MYO9B: variants seen among roughly 807,000 people sequenced by gnomAD.
MYO9B encodes the protein unconventional myosin-IXb.
A neutral mutation model predicts 229.5 loss-of-function variants in MYO9B; 71 were observed. The ratio of observed to expected loss-of-function variants is 0.31; its 90% CI spans 0.26 to 0.38. The LOEUF (loss-of-function observed/expected upper bound fraction) is 0.38, where lower values mean the gene tolerates loss of function less well. Ranked by LOEUF, MYO9B falls within the 10% of genes least tolerant of loss-of-function variation. The pLI is 1.00. For missense variants in MYO9B, 2,255 were observed against 2,920.5 expected (o/e 0.77, Z 5.25); for synonymous variants, 1,185 against 1,235.8 (o/e 0.96, Z 0.86).
At chr19:17,085,661 TAA>T (rs71180356) in intron 1 of MYO9B, among the ~76,000 whole-genome samples, 17,968 of 142,226 alleles carry the variant, frequency 0.13, 1,208 homozygotes, top group Non-Finnish European at 0.14. Flanking sequence ...CCGTCTTTAA[TAA>T]AAAAAAAAAA....
In MYO9B at chr19:17,198,240, G is replaced by T. The variant is rs773317271; in HGVS notation, c.4170G>T (p.Lys1390Asn). The T allele has an allele frequency of 1.2e-6, 2 of 1,613,950 alleles. No homozygotes were observed. The highest frequency in any genetic ancestry group is 1.7e-5 in the Admixed American group (1 of 60,000). The part of the protein sequence containing the change: ...ERSAKKPAVQ[K>N]KKPGDASSLP... Reference sequence around the variant, plus strand: ...GTGCGAAAAAGCCAGCTGTCCAGAAGAAGAAGCCAGGCGACGCATCCTCCC... The same window carrying T: ...GTGCGAAAAAGCCAGCTGTCCAGAATAAGAAGCCAGGCGACGCATCCTCCC... The change falls in exon 24 of 40, where the codon AAG becomes AAT. Residue 1390 changes from lysine (K) to asparagine (N), a missense_variant. Coordinates refer to ENST00000682292, the MANE Select transcript of MYO9B (RefSeq NM_004145.4).
chr19:17,105,312 T>C (rs1307833458), intron 2 of MYO9B, among the ~76,000 whole-genome samples: 1 of 126,322 alleles, frequency 7.9e-6, no homozygotes, highest in African/African-American at 3.0e-5. Flanking sequence ...CAAGACCCTG[T>C]CTCTACCAAA....
At chr19:17,200,511 T>C in intron 25 of MYO9B, 85 bp downstream of exon 25, 4 of 1,513,604 alleles carry the variant, frequency 2.6e-6, no homozygotes, top group Non-Finnish European at 3.5e-6. Context: ...GGGCCTTGAG[T>C]TGGCTGTGGG....
In MYO9B at chr19:17,102,339, C is replaced by T. The variant is rs1309937546; in HGVS notation, c.622C>T (p.Leu208=). 4.3e-6 allele frequency: 7 copies of T among 1,614,062 alleles called. No homozygotes were observed. The highest frequency in any genetic ancestry group is 5.9e-6 in the Non-Finnish European group (7 of 1,179,904). Residue 208 remains leucine, a synonymous_variant, in exon 2 of 40, where the codon CTG becomes TTG. Transcript: ENST00000682292. Reference sequence around the variant, plus strand: ...CGTGAAGATGTATGAGAACCAGCAGCTGGGCAAGCTGGAGCCACACGTCTT... The same window carrying T: ...CGTGAAGATGTATGAGAACCAGCAGTTGGGCAAGCTGGAGCCACACGTCTT... ...KYVKMYENQQ[L]GKLEPHVFAL...
At chr19:17,188,121 T>G in intron 19 of MYO9B, 76 bp downstream of exon 19, 8 of 1,332,976 alleles carry the variant, frequency 6.0e-6, no homozygotes, top group African/African-American at 1.5e-5. Context: ...AGAGAGCTCC[T>G]TGCTGGAGTG....
chr19:17,120,227 A>G (rs556506369), intron 2 of MYO9B, among the ~76,000 whole-genome samples: 11 of 152,292 alleles, frequency 7.2e-5, no homozygotes, highest in African/African-American at 2.6e-4. Flanking sequence ...GCTTCCCCAG[A>G]CCCAAGGAGG....
chr19:17,199,767 C>G (rs943927880), intron 24 of MYO9B, among the ~76,000 whole-genome samples: 1 of 149,530 alleles, frequency 6.7e-6, no homozygotes, highest in Non-Finnish European at 1.5e-5. Context: ...TGGTCTCAAA[C>G]TCCTGGGCTC....
At position 17,162,996 on chromosome 19, in the gene MYO9B, C is replaced by G. The variant is rs1170869748; in HGVS notation, c.1545C>G (p.Ser515=). ...TTCTCTGTCTCTCCCAGTGCCTGTC[C>G]ATTGGGGTCCTGGACATCTTCGGGT... ...KDVEEAVSCL[S]IGVLDIFGFE... is the part of the protein sequence containing the mutation. The change falls in exon 10 of 40, where the codon TCC becomes TCG. Residue 515 remains serine (S), a synonymous_variant. Transcript: ENST00000682292. 7.5e-6 allele frequency: 12 copies of G among 1,609,992 alleles called. No homozygotes were observed. The African/African-American group carries it at 1.6e-4, about 22-fold the overall frequency.
chr19:17,120,033 G>C (rs533724061), intron 2 of MYO9B, among the ~76,000 whole-genome samples: 9 of 152,190 alleles, frequency 5.9e-5, no homozygotes, highest in Admixed American at 3.9e-4. Context: ...GCGTGCTGGC[G>C]CATGCCTGTA....
intron 30 of MYO9B, among the ~76,000 whole-genome samples, chr19:17,204,121 A>C (rs2073136034): frequency 6.6e-6 from 1 of 151,940 alleles, no homozygotes; most frequent in South Asian, 2.1e-4. Flanking sequence ...TCTGTCCAAC[A>C]GTCAGTTGTC....
intron 20 of MYO9B, among the ~76,000 whole-genome samples, chr19:17,191,943 C>T (rs183787390): frequency 6.9e-6 from 1 of 144,868 alleles, no homozygotes; most frequent in Admixed American, 7.0e-5. Context: ...GGTGACCGAG[C>T]GAGATCTCAT....
intron 31 of MYO9B, 77 bp downstream of exon 31, chr19:17,205,413 G>A: frequency 1.4e-6 from 2 of 1,422,368 alleles, no homozygotes; most frequent in Non-Finnish European, 2.0e-6. Flanking sequence ...GGTGCTTGAT[G>A]TGAGGGCCAA....
chr19:17,135,806 G>A (rs2072262503), intron 2 of MYO9B, among the ~76,000 whole-genome samples: 1 of 152,152 alleles, frequency 6.6e-6, no homozygotes, highest in South Asian at 2.1e-4. Flanking sequence ...ACGTTCCCAA[G>A]ACACCAGGCC....
At chr19:17,096,064 A>C (rs528360257) in intron 1 of MYO9B, among the ~76,000 whole-genome samples, 16 of 152,154 alleles carry the variant, frequency 1.1e-4, no homozygotes, top group Non-Finnish European at 1.9e-4. Context: ...AAGCCACCGC[A>C]CTGGCCTTGT....
At chr19:17,076,637 G>A (rs960445664) in intron 1 of MYO9B, among the ~76,000 whole-genome samples, 2 of 152,054 alleles carry the variant, frequency 1.3e-5, no homozygotes, top group South Asian at 4.1e-4. Context: ...CTTAACAGCT[G>A]GGTGACCTGG....
Position 17,212,681 on chromosome 19 carries a change from A to G in MYO9B, c.*371A>G. On this transcript the variant is annotated 3_prime_UTR_variant, in exon 40 of 40. Coordinates refer to ENST00000682292, the MANE Select transcript of MYO9B (RefSeq NM_004145.4). The surrounding 1 kb of genome is among the most constrained non-coding windows in gnomAD (Gnocchi z 5.4). ...ATGGTTTTTTATATGTGTATGTACA[A>G]AGTTTTCTATTAACGCTGCCCGTCT... The G allele has an allele frequency of 4.6e-6, 1 of 219,132 alleles. No individual in the cohort carries two copies. Among genetic ancestry groups the G allele is most frequent in the African/African-American group, 2.3e-5 (1 of 43,722 alleles). The allele number at this position is 219,132 out of a possible 1,614,324, so 13.6% of individuals were successfully genotyped here.
chr19:17,116,151 C>A (rs1483090917), intron 2 of MYO9B, among the ~76,000 whole-genome samples: 2 of 152,178 alleles, frequency 1.3e-5, no homozygotes, highest in South Asian at 4.1e-4. Flanking sequence ...GGCCCCATCT[C>A]TTGAAGGGTT....
intron 13 of MYO9B, among the ~76,000 whole-genome samples, chr19:17,174,868 A>C (rs964990454): frequency 3.3e-5 from 5 of 151,978 alleles, no homozygotes; most frequent in African/African-American, 1.2e-4. Flanking sequence ...GGGGAGGCAG[A>C]GGTTGCAGTG....
Position 17,100,342 on chromosome 19 carries a change from G to A in MYO9B, c.-58-1318G>A, listed in dbSNP as rs527767716. ...ACAAAAATTAGCCGGGTGTGGTGGC[G>A]CATGCCTATAGTCCCAGCTACTCAG... On this transcript the variant is annotated intron_variant, in intron 1 of 39. Coordinates refer to ENST00000682292, the MANE Select transcript of MYO9B (RefSeq NM_004145.4). 2.6e-4 allele frequency among the ~76,000 whole-genome samples: 39 copies of A among 151,962 alleles called. No homozygotes were observed. In the Middle Eastern group the frequency reaches 0.017, roughly 67 times the overall value.
Sources: allele counts gnomAD v4.1 joint callset (sites outside exome capture counted in the v4.1 genomes callset), GRCh38; gene constraint gnomAD v4.1.1; non-coding constraint Gnocchi (gnomAD v3.1); transcripts MANE v1.5; gene names NCBI Gene and HGNC (gene_info 2026-07-23, HGNC 2026-07-21).